Variants in CTBP2 observed in about 807,000 individuals in gnomAD.
CTBP2 encodes C-terminal binding protein 2, also known as C-terminal-binding protein 2.
CTBP2 carries 30 observed loss-of-function variants against 80.3 expected under a neutral mutation model. The observed-to-expected ratio is 0.37, with a 90% CI of 0.28 to 0.51. The LOEUF (loss-of-function observed/expected upper bound fraction) is 0.51, where lower values mean the gene tolerates loss of function less well. Among genes scored for constraint, CTBP2 ranks in the 20% least tolerant of loss-of-function variants. The probability of loss-of-function intolerance (pLI) is 0.93; values close to 1 mark genes in which losing one functional copy is unlikely to be tolerated. For synonymous variants in CTBP2, 594 were observed against 587.4 expected (o/e 1.01, Z -0.16); for missense variants, 1,212 against 1,375.3 (o/e 0.88, Z 1.88).
chr10:125,016,270 A>G (rs1956475759), intron 1 of CTBP2, among the ~76,000 whole-genome samples: 1 of 151,792 alleles, frequency 6.6e-6, no homozygotes, highest in Admixed American at 6.6e-5. Flanking sequence ...CAGCGAGCCG[A>G]GTGCCACTGC....
intron 2 of CTBP2, among the ~76,000 whole-genome samples, chr10:125,052,146 C>A (rs1043332996): frequency 7.2e-5 from 11 of 152,226 alleles, no homozygotes; most frequent in African/African-American, 2.7e-4. Context: ...CTGAGACCTG[C>A]AAGCTCAGGA....
chr10:125,022,237 AG>A lies in CTBP2; in HGVS notation c.1678+3844del, dbSNP rs1468366624. On this transcript the variant is annotated intron_variant, in intron 1 of 8. Transcript: ENST00000309035. ...GCTGTAGGGACGCTCTTCCAAGCAT[AG>A]GAGTGGCCAAGAAGCCCTGGAGCTC... Among the ~76,000 whole-genome samples, 554 of 152,320 alleles carry A rather than the reference AG, an allele frequency of 3.6e-3. 1 individual carries two copies. The highest frequency in any genetic ancestry group is 0.011 in the African/African-American group (461 of 41,580).
At chr10:125,111,710 T>C (rs1049032774) in intron 1 of CTBP2, among the ~76,000 whole-genome samples, 2 of 152,202 alleles carry the variant, frequency 1.3e-5, no homozygotes, top group Non-Finnish European at 1.5e-5. Context: ...AGAACTCCCA[T>C]TTATTTTACT....
At chr10:125,056,861 G>A (rs1964042881) in intron 2 of CTBP2, among the ~76,000 whole-genome samples, 1 of 152,362 alleles carries the variant, frequency 6.6e-6, no homozygotes, top group Non-Finnish European at 1.5e-5. Context: ...TGTGGCCCCA[G>A]TGCTTGATGA....
At chr10:125,041,504 A>ACCCCC (rs10559259) in intron 2 of CTBP2, among the ~76,000 whole-genome samples, 47 of 91,118 alleles carry the variant, frequency 5.2e-4, no homozygotes, top group African/African-American at 7.0e-4. Flanking sequence ...GTCCATCCCC[A>ACCCCC]CCCCCCCCCC....
chr10:125,141,881 C>T (rs1304214826), intron 1 of CTBP2, among the ~76,000 whole-genome samples: 1 of 152,228 alleles, frequency 6.6e-6, no homozygotes, highest in African/African-American at 2.4e-5. Context: ...AAGCCACTTC[C>T]CCCACAGAGA....
At chr10:125,088,004 C>T (rs371706388) in intron 2 of CTBP2, among the ~76,000 whole-genome samples, 28 of 152,290 alleles carry the variant, frequency 1.8e-4, no homozygotes, top group African/African-American at 6.5e-4. Context: ...CCATTCCCAC[C>T]TCCTTCGGTG....
chr10:124,986,703 A>ATGTT lies in CTBP2; in HGVS notation c.*2811_*2814dup, dbSNP rs1268959758. On this transcript the variant is annotated 3_prime_UTR_variant, in exon 9 of 9. Coordinates refer to ENST00000309035, the MANE Select transcript of CTBP2 (RefSeq NM_022802.3). ...CAATAAGTAATCAAGTTTGTAGAAAATGTTAGCATTCTGACTACTTAGCAT... is the reference window on the plus strand; with the variant it reads ...CAATAAGTAATCAAGTTTGTAGAAAATGTTTGTTAGCATTCTGACTACTTAGCAT... 2.0e-5 allele frequency: 3 copies of ATGTT among 152,212 alleles called. No homozygotes were observed. In the East Asian group the frequency reaches 5.8e-4, roughly 29 times the overall value. The allele number at this position is 152,212 out of a possible 1,614,324, so 9.4% of individuals were successfully genotyped here.
Position 124,993,212 on chromosome 10 carries a change from T to G in CTBP2, c.2649A>C (p.Arg883=). The G allele has an allele frequency of 6.3e-7, 1 of 1,596,892 alleles. No homozygotes were observed. Among genetic ancestry groups the G allele is most frequent in the Non-Finnish European group, 8.6e-7 (1 of 1,167,436 alleles). The change falls in exon 7 of 9, where the codon CGA becomes CGC. Residue 883 remains arginine, a synonymous_variant. Coordinates refer to ENST00000309035, the MANE Select transcript of CTBP2 (RefSeq NM_022802.3). The stretch of plus-strand genomic sequence containing the variant: ...CACGGAGGGGCTCACCTGTGATGGC[T>G]CGGCGGATCTCGGTGGCAGCTGCCT...
intron 2 of CTBP2, among the ~76,000 whole-genome samples, chr10:125,084,521 C>T (rs558721100): frequency 3.9e-4 from 59 of 152,302 alleles, no homozygotes; most frequent in Non-Finnish European, 6.9e-4. Flanking sequence ...CCCATCCTCT[C>T]TGGGAAGGGA....
intron 1 of CTBP2, among the ~76,000 whole-genome samples, chr10:125,119,623 T>C (rs1853974374): frequency 6.6e-6 from 1 of 152,230 alleles, no homozygotes; most frequent in Admixed American, 6.5e-5. Flanking sequence ...TAAAACATTC[T>C]TCAGTGAATC....
chr10:125,091,481 A>G (rs1479035375), intron 2 of CTBP2, among the ~76,000 whole-genome samples: 1 of 152,206 alleles, frequency 6.6e-6, no homozygotes, highest in Non-Finnish European at 1.5e-5. Flanking sequence ...CCTATTTAAA[A>G]AGTAACATAG....
intron 2 of CTBP2, among the ~76,000 whole-genome samples, chr10:125,053,746 G>A (rs1233173613): frequency 2.0e-5 from 3 of 152,052 alleles, no homozygotes; most frequent in South Asian, 2.1e-4. Flanking sequence ...AGGTGTAGAC[G>A]GGTCTGATGA....
At chr10:124,995,321 C>T (rs944044749) in intron 4 of CTBP2, among the ~76,000 whole-genome samples, 13 of 152,220 alleles carry the variant, frequency 8.5e-5, no homozygotes, top group African/African-American at 2.7e-4. Context: ...GGGCCTCCCG[C>T]CAGCTATGTC....
At position 125,027,067 on chromosome 10, in the gene CTBP2, G is replaced by C; in HGVS notation, c.693C>G (p.Cys231Trp). 1 of 1,612,392 alleles carries C rather than the reference G, an allele frequency of 6.2e-7. No homozygotes were observed. The highest frequency in any genetic ancestry group is 1.1e-5 in the South Asian group (1 of 91,038). Residue 231 changes from cysteine to tryptophan, a missense_variant, in exon 1 of 9, where the codon TGC becomes TGG. Physicochemically the swap from Cys to Trp is radical, Grantham distance 215. Coordinates refer to ENST00000309035, the MANE Select transcript of CTBP2 (RefSeq NM_022802.3). ...CAGCTGAACTGGGGTCCACAACCAG[G>C]CACGTCGGGGCCACCTGTCTGGCAG... is the stretch of plus-strand genomic sequence containing the variant.
intron 8 of CTBP2, among the ~76,000 whole-genome samples, chr10:124,990,560 TAC>T (rs1952473199): frequency 6.6e-6 from 1 of 152,240 alleles, no homozygotes; most frequent in African/African-American, 2.4e-5. Flanking sequence ...ACCCACTTTG[TAC>T]AAAATGGACT....
intron 1 of CTBP2, among the ~76,000 whole-genome samples, chr10:125,127,462 A>G (rs1030386665): frequency 6.6e-6 from 1 of 152,240 alleles, no homozygotes; most frequent in Non-Finnish European, 1.5e-5. Context: ...ACGCCTATCA[A>G]AAGCCCAGCT....
chr10:125,035,851 C>T (rs1958800723), intron 3 of CTBP2, among the ~76,000 whole-genome samples: 1 of 152,194 alleles, frequency 6.6e-6, no homozygotes, highest in African/African-American at 2.4e-5. Flanking sequence ...CTCCATTATA[C>T]TTGAGAATGA....
At chr10:125,127,129 C>G (rs1215506826) in intron 1 of CTBP2, among the ~76,000 whole-genome samples, 1 of 152,208 alleles carries the variant, frequency 6.6e-6, no homozygotes, top group Non-Finnish European at 1.5e-5. Flanking sequence ...GCCTCAGCCC[C>G]ATGCACATGC....
Sources: allele counts gnomAD v4.1 joint callset (sites outside exome capture counted in the v4.1 genomes callset), GRCh38; gene constraint gnomAD v4.1.1; transcripts MANE v1.5; gene names NCBI Gene and HGNC (gene_info 2026-07-23, HGNC 2026-07-21).